Variants in COL11A1 observed in about 807,000 individuals in gnomAD.
The protein encoded by COL11A1 is collagen alpha-1(XI) chain.
COL11A1 carries 74 observed loss-of-function variants against 265.2 expected under a neutral mutation model. That is an observed-to-expected ratio of 0.28 (90% confidence interval 0.23 to 0.34). The LOEUF (loss-of-function observed/expected upper bound fraction) is 0.34. COL11A1 is among the 10% of genes least tolerant of loss of function. The pLI is 1.00. For missense variants in COL11A1, 2,165 were observed against 2,263.6 expected (o/e 0.96, Z 0.88); for synonymous variants, 816 against 727.6 (o/e 1.12, Z -1.96).
chr1:103,002,094 ACC>A, intron 23 of COL11A1, 125 bp from the exon 24 acceptor site: 1 of 828,496 alleles, frequency 1.2e-6, no homozygotes, highest in Non-Finnish European at 2.0e-6. Flanking sequence ...ATTCCCATAC[ACC>A]CCAAGGAATT....
At chr1:102,986,790 G>A (rs897849431) in intron 30 of COL11A1, among the ~76,000 whole-genome samples, 2 of 152,026 alleles carry the variant, frequency 1.3e-5, no homozygotes, top group South Asian at 4.1e-4. Flanking sequence ...AAATGTAATG[G>A]TTGCAAATCT....
At chr1:103,091,350 T>C (rs1673306372) in intron 1 of COL11A1, among the ~76,000 whole-genome samples, 1 of 152,024 alleles carries the variant, frequency 6.6e-6, no homozygotes, top group African/African-American at 2.4e-5. Flanking sequence ...TTTGAAAAGA[T>C]ACAGAAGTTC....
chr1:102,938,829 A>C (rs1658420818), intron 44 of COL11A1, among the ~76,000 whole-genome samples: 1 of 152,132 alleles, frequency 6.6e-6, no homozygotes, highest in Non-Finnish European at 1.5e-5. Context: ...TAATGGCCTT[A>C]CAATCATCAT....
At chr1:102,896,749 T>C (rs1467965728) in intron 57 of COL11A1, among the ~76,000 whole-genome samples, 1 of 152,204 alleles carries the variant, frequency 6.6e-6, no homozygotes, top group Non-Finnish European at 1.5e-5. Context: ...TAATATTAGC[T>C]GAAGGAAATC....
chr1:103,052,787 T>C (rs1669935302), intron 4 of COL11A1, among the ~76,000 whole-genome samples: 1 of 152,172 alleles, frequency 6.6e-6, no homozygotes, highest in African/African-American at 2.4e-5. Context: ...TTATTAACTA[T>C]AAACACCGTG....
intron 4 of COL11A1, among the ~76,000 whole-genome samples, chr1:103,062,208 G>T (rs1212565030): frequency 2.0e-5 from 3 of 151,932 alleles, no homozygotes; most frequent in Admixed American, 2.0e-4. Flanking sequence ...TAAAGAGAAA[G>T]CATCAGAACA....
intron 5 of COL11A1, among the ~76,000 whole-genome samples, chr1:103,028,378 A>T (rs1262972799): frequency 6.6e-6 from 1 of 152,034 alleles, no homozygotes; most frequent in Non-Finnish European, 1.5e-5. Context: ...GTTCTCCTTT[A>T]TCTGCACAGC....
chr1:102,995,683 C>A (rs768621370), intron 28 of COL11A1, among the ~76,000 whole-genome samples, 181 bp downstream of exon 28: 1 of 151,340 alleles, frequency 6.6e-6, no homozygotes, highest in Admixed American at 6.6e-5. Flanking sequence ...GGTATTTAAC[C>A]CTTATCACAA....
intron 41 of COL11A1, 48 bp from the exon 42 acceptor site, chr1:102,947,004 G>A (rs750234708): frequency 2.1e-6 from 3 of 1,417,338 alleles, no homozygotes; most frequent in Non-Finnish European, 3.0e-6. Flanking sequence ...AAGTAATACT[G>A]GCTTAAGAAT....
intron 46 of COL11A1, among the ~76,000 whole-genome samples, chr1:102,926,969 G>A (rs557607349): frequency 3.4e-4 from 51 of 152,012 alleles, no homozygotes; most frequent in African/African-American, 1.2e-3. Flanking sequence ...AGTTTAAAAA[G>A]AATTATTTTG....
At chr1:103,104,498 C>T (rs1232235770) in intron 1 of COL11A1, among the ~76,000 whole-genome samples, 1 of 152,126 alleles carries the variant, frequency 6.6e-6, no homozygotes, top group African/African-American at 2.4e-5. Flanking sequence ...CACTTTGCTA[C>T]TGCATAACTT....
At chr1:102,994,537 C>A (rs1664441665) in intron 28 of COL11A1, among the ~76,000 whole-genome samples, 1 of 152,106 alleles carries the variant, frequency 6.6e-6, no homozygotes, top group Non-Finnish European at 1.5e-5. Context: ...GTACAGCCTG[C>A]ACAACCATAA....
At chr1:102,955,649 T>G (rs2101516567) in intron 41 of COL11A1, among the ~76,000 whole-genome samples, 1 of 152,346 alleles carries the variant, frequency 6.6e-6, no homozygotes, top group South Asian at 2.1e-4. Context: ...GAGGAGAGAT[T>G]ATTTAGGGAA....
Position 103,025,926 on chromosome 1 carries a change from C to T in COL11A1, c.897+290G>A. On this transcript the variant is annotated intron_variant, in intron 6 of 66. Coordinates refer to ENST00000370096, the MANE Select transcript of COL11A1 (RefSeq NM_001854.4). ...TTGATTTAGTAGCCACTGTCCTCAT[C>T]TTCTTTTTGAAATTGGATTTCTTTT... is the stretch of plus-strand genomic sequence containing the variant. 3 of 1,612,448 alleles carry T rather than the reference C, an allele frequency of 1.9e-6. No individual in the cohort carries two copies. The African/African-American group carries it at 4.0e-5, about 22-fold the overall frequency.
intron 4 of COL11A1, among the ~76,000 whole-genome samples, chr1:103,034,071 T>A (rs1253618335): frequency 6.6e-6 from 1 of 152,162 alleles, no homozygotes; most frequent in Admixed American, 6.6e-5. Flanking sequence ...AATCAGCTAT[T>A]AATCTAAATG....
intron 28 of COL11A1, among the ~76,000 whole-genome samples, chr1:102,993,618 G>T (rs1232942352): frequency 1.3e-5 from 2 of 151,996 alleles, no homozygotes; most frequent in East Asian, 3.9e-4. Flanking sequence ...GCTTATTGCA[G>T]CCTTGACCTC....
At position 103,029,568 on chromosome 1, in the gene COL11A1, CT is replaced by C. The variant is rs375814056; in HGVS notation, c.780+1547del. Reference sequence around the variant, plus strand: ...AGCTAATTCTTTCTTAAAGAAAAAACTTTTTCATTATGACTTACTCAATCTA... The same window carrying C: ...AGCTAATTCTTTCTTAAAGAAAAAACTTTTCATTATGACTTACTCAATCTA... On this transcript the variant is annotated intron_variant, in intron 5 of 66. Coordinates refer to ENST00000370096, the MANE Select transcript of COL11A1 (RefSeq NM_001854.4). 4.6e-4 allele frequency among the ~76,000 whole-genome samples: 70 copies of C among 151,902 alleles called. 4 individuals are homozygous for C. The South Asian group carries it at 0.014, about 31-fold the overall frequency.
intron 1 of COL11A1, among the ~76,000 whole-genome samples, chr1:103,101,308 G>A (rs755108405): frequency 1.8e-4 from 27 of 151,920 alleles, no homozygotes; most frequent in Non-Finnish European, 3.5e-4. Flanking sequence ...AGTTTCATTT[G>A]CATGCAAAAG....
rs577347045 is a variant in COL11A1 at position 102,933,963 on chromosome 1, G to GCACCCACTGACCTGCGCC, written c.3600+468_3600+485dup. Among the ~76,000 whole-genome samples, 555 of 152,208 alleles carry GCACCCACTGACCTGCGCC rather than the reference G, an allele frequency of 3.6e-3. 3 individuals carry two copies. Among genetic ancestry groups the GCACCCACTGACCTGCGCC allele is most frequent in the African/African-American group, 0.012 (518 of 41,528 alleles). Reference sequence around the variant, plus strand: ...CTGCTTCGGCTCGCACACGGTGCGCGCACCCACTGACCTGCGCCCACTGTC... The same window carrying GCACCCACTGACCTGCGCC: ...CTGCTTCGGCTCGCACACGGTGCGCGCACCCACTGACCTGCGCCCACCCACTGACCTGCGCCCACTGTC... On this transcript the variant is annotated intron_variant, in intron 46 of 66. Coordinates refer to ENST00000370096, the MANE Select transcript of COL11A1 (RefSeq NM_001854.4).
Sources: allele counts gnomAD v4.1 joint callset (sites outside exome capture counted in the v4.1 genomes callset), GRCh38; gene constraint gnomAD v4.1.1; transcripts MANE v1.5; gene names NCBI Gene and HGNC (gene_info 2026-07-23, HGNC 2026-07-21).